Variants in HECA observed in about 807,000 individuals in gnomAD.
HECA encodes HECA ribonucleoprotein granule regulator, also known as headcase protein homolog.
HECA carries 13 observed loss-of-function variants against 37.6 expected under a neutral mutation model. The observed-to-expected ratio is 0.35, with a 90% CI of 0.23 to 0.55. The LOEUF (loss-of-function observed/expected upper bound fraction) is 0.55, where lower values mean the gene tolerates loss of function less well. Among genes scored for constraint, HECA ranks in the 20% least tolerant of loss-of-function variants. The pLI, the probability that HECA is intolerant of heterozygous loss-of-function variation, is 0.90. For synonymous variants in HECA, 307 were observed against 291.5 expected (o/e 1.05, Z -0.54); for missense variants, 527 against 701.9 (o/e 0.75, Z 2.82).
chr6:139,147,383 T>C (rs561569275), intron 1 of HECA, among the ~76,000 whole-genome samples: 4 of 152,118 alleles, frequency 2.6e-5, no homozygotes, highest in African/African-American at 7.2e-5. Flanking sequence ...CCCAGCACTT[T>C]AGGAGGCTGA....
At chr6:139,160,810 T>TA (rs1430316303) in intron 1 of HECA, among the ~76,000 whole-genome samples, 1 of 152,214 alleles carries the variant, frequency 6.6e-6, no homozygotes, top group African/African-American at 2.4e-5. Context: ...GGGAGTGAAA[T>TA]ACAGCGGTAT....
intron 1 of HECA, among the ~76,000 whole-genome samples, chr6:139,149,397 A>G (rs1774625058): frequency 6.6e-6 from 1 of 152,218 alleles, no homozygotes; most frequent in Admixed American, 6.5e-5. Context: ...GCTCTTTTTC[A>G]AACCATAGAG....
At chr6:139,156,427 T>C (rs188406818) in intron 1 of HECA, among the ~76,000 whole-genome samples, 100 of 152,236 alleles carry the variant, frequency 6.6e-4, no homozygotes, top group African/African-American at 2.4e-3. Flanking sequence ...CCAGGCTGGT[T>C]TTGAACTCCT....
intron 1 of HECA, among the ~76,000 whole-genome samples, chr6:139,137,229 A>G (rs1026950513): frequency 5.3e-5 from 8 of 152,106 alleles, no homozygotes; most frequent in Non-Finnish European, 1.2e-4. Flanking sequence ...GACTCTGGGT[A>G]GGACAGACTC....
At chr6:139,172,533 T>G (rs1332177683) in intron 2 of HECA, among the ~76,000 whole-genome samples, 2 of 152,240 alleles carry the variant, frequency 1.3e-5, no homozygotes, top group Admixed American at 1.3e-4. Context: ...AAGTTCTTAT[T>G]GGGCTTCTTT....
At chr6:139,140,012 G>A (rs1477325432) in intron 1 of HECA, among the ~76,000 whole-genome samples, 2 of 152,186 alleles carry the variant, frequency 1.3e-5, no homozygotes, top group South Asian at 2.1e-4. Context: ...ATGGGAAAAC[G>A]CATTCTGAAT....
intron 1 of HECA, among the ~76,000 whole-genome samples, chr6:139,151,889 A>G (rs1419056822): frequency 1.3e-5 from 2 of 152,162 alleles, no homozygotes; most frequent in Non-Finnish European, 2.9e-5. Flanking sequence ...TGTGCTCTCA[A>G]TTGTCCTGTG....
At chr6:139,175,104 T>A (rs1045980954) in intron 3 of HECA, among the ~76,000 whole-genome samples, 24 of 152,320 alleles carry the variant, frequency 1.6e-4, no homozygotes, top group African/African-American at 5.1e-4. Context: ...GGAGGCATTG[T>A]CTCATGCTAT....
rs761364228 is a variant in HECA, at chr6:139,166,438, C to T, written c.426C>T (p.Leu142=). The T allele has an allele frequency of 8.1e-6, 13 of 1,614,212 alleles. No homozygotes were observed. Among genetic ancestry groups the T allele is most frequent in the East Asian group, 6.7e-5 (3 of 44,874 alleles). ...TCTACGAGTGGGAGAGCAGCATCCT[C>T]GTCCAGTTCAACTGCATCGGCCGCG... The part of the protein sequence containing the change: ...QCFYEWESSI[L]VQFNCIGRAR... The change falls in exon 2 of 4, where the codon CTC becomes CTT. Residue 142 remains leucine (L), a synonymous_variant. Transcript: ENST00000367658.
rs1775122352 is a variant in HECA, at chr6:139,180,638, T to G, written c.*3533T>G. 1 of 152,642 alleles carries G rather than the reference T, an allele frequency of 6.6e-6. No homozygotes were observed. Among genetic ancestry groups the G allele is most frequent in the African/African-American group, 2.4e-5 (1 of 41,448 alleles). The allele number at this position is 152,642 out of a possible 1,614,324, so 9.5% of individuals were successfully genotyped here. A position where few individuals can be genotyped will look rare whatever the true frequency, so the allele number is the denominator to read the frequency against. On this transcript the variant is annotated 3_prime_UTR_variant, in exon 4 of 4. Coordinates refer to ENST00000367658, the MANE Select transcript of HECA (RefSeq NM_016217.3). ...AAATAAATTCTTGTCAGTAAAGATT[T>G]CTTGTCAAGATGTCTTGGATTGCAC...
intron 1 of HECA, among the ~76,000 whole-genome samples, chr6:139,163,646 G>A (rs1183959459): frequency 2.6e-5 from 4 of 152,128 alleles, no homozygotes; most frequent in Non-Finnish European, 5.9e-5. Flanking sequence ...GAGCCACTGC[G>A]CTGTCCCCTG....
chr6:139,143,504 G>A (rs1427929066), intron 1 of HECA, among the ~76,000 whole-genome samples: 1 of 152,150 alleles, frequency 6.6e-6, no homozygotes, highest in Non-Finnish European at 1.5e-5. Flanking sequence ...GAAAAAATCA[G>A]ATGATTTAGC....
intron 1 of HECA, among the ~76,000 whole-genome samples, chr6:139,136,970 C>G (rs774158235): frequency 6.6e-6 from 1 of 152,204 alleles, no homozygotes; most frequent in African/African-American, 2.4e-5. Context: ...CCTGCTCTTA[C>G]AAGCAGCGTA....
At chr6:139,147,212 A>G (rs1037899464) in intron 1 of HECA, among the ~76,000 whole-genome samples, 6 of 152,236 alleles carry the variant, frequency 3.9e-5, no homozygotes, top group African/African-American at 1.4e-4. Context: ...CTTGACTCAC[A>G]CACATACGTA....
intron 2 of HECA, among the ~76,000 whole-genome samples, chr6:139,169,228 A>G (rs1015105767): frequency 5.9e-5 from 9 of 151,988 alleles, no homozygotes; most frequent in African/African-American, 2.2e-4. Flanking sequence ...GACCCCTTAG[A>G]TTATTTTTTT....
intron 1 of HECA, among the ~76,000 whole-genome samples, chr6:139,137,613 C>G (rs1362982306): frequency 6.7e-6 from 1 of 148,822 alleles, no homozygotes; most frequent in Non-Finnish European, 1.5e-5. Context: ...TTTGCTCTGC[C>G]CACCCCCCTA....
At position 139,176,446 on chromosome 6, in the gene HECA, A is replaced by G. The variant is rs1420048095; in HGVS notation, c.1468-495A>G. Among the ~76,000 whole-genome samples the G allele has an allele frequency of 2.0e-5, 3 of 152,222 alleles. No homozygotes were observed. Among genetic ancestry groups the G allele is most frequent in the Non-Finnish European group, 4.4e-5 (3 of 68,040 alleles). ...CTGTGCTGTTACGGAGAGGCTAGGC[A>G]TGAGTGAAGATGCAGGGTGCTGGGA... On this transcript the variant is annotated intron_variant, in intron 3 of 3. Coordinates refer to ENST00000367658, the MANE Select transcript of HECA (RefSeq NM_016217.3). The surrounding 1 kb of genome is among the most constrained non-coding windows in gnomAD (Gnocchi z 4.5).
chr6:139,139,550 G>A (rs897783123), intron 1 of HECA, among the ~76,000 whole-genome samples: 6 of 152,236 alleles, frequency 3.9e-5, no homozygotes, highest in Non-Finnish European at 5.9e-5. Context: ...TAGTGGAGGA[G>A]GGAAGGAAGC....
rs1259227122 is a variant in HECA at position 139,178,303 on chromosome 6, T to C, written c.*1198T>C. ...ATTGGGCATTCCAAAATACAGCCTT[T>C]GGTTCAGTAGATTTTAATGCTTTAA... On this transcript the variant is annotated 3_prime_UTR_variant, in exon 4 of 4. Transcript: ENST00000367658. 1 of 152,190 alleles carries C rather than the reference T, an allele frequency of 6.6e-6. No homozygotes were observed. Among genetic ancestry groups the C allele is most frequent in the Non-Finnish European group, 1.5e-5 (1 of 68,036 alleles). The allele number at this position is 152,190 out of a possible 1,614,324, so 9.4% of individuals were successfully genotyped here.
Sources: gnomAD v4.1 joint callset for allele counts (sites outside exome capture counted in the v4.1 genomes callset) on GRCh38, gnomAD v4.1.1 for gene constraint, Gnocchi (gnomAD v3.1) non-coding constraint, MANE v1.5 for transcripts, NCBI Gene and HGNC (gene_info 2026-07-23, HGNC 2026-07-21) for gene names.